SIL1: variants seen among roughly 807,000 people sequenced by gnomAD.
The protein encoded by SIL1 is SIL1 nucleotide exchange factor.
Under a neutral mutation model 49.1 loss-of-function variants are expected in SIL1, and 40 were observed. The ratio of observed to expected loss-of-function variants is 0.81; its 90% CI spans 0.63 to 1.06. The LOEUF is 1.06. Ranked by LOEUF, SIL1 falls within the 50% of genes least tolerant of loss-of-function variation. The pLI is 0.00. For missense variants in SIL1, 500 were observed against 572.6 expected, an observed-to-expected ratio of 0.87 and a Z score of 1.29; for synonymous variants, 253 against 250.8, an observed-to-expected ratio of 1.01 and a Z score of -0.08.
chr5:139,076,743 A>G (rs1769959504), intron 3 of SIL1, among the ~76,000 whole-genome samples: 1 of 152,290 alleles, frequency 6.6e-6, no homozygotes, highest in South Asian at 2.1e-4. Flanking sequence ...TAAGAAACCA[A>G]TTCCCCTTCT....
intron 7 of SIL1, among the ~76,000 whole-genome samples, chr5:139,020,728 A>G (rs1768502458): frequency 6.6e-6 from 1 of 152,166 alleles, no homozygotes; most frequent in South Asian, 2.1e-4. Flanking sequence ...GAGGGCGATA[A>G]TCTGACGGCA....
chr5:139,078,608 C>T (rs1770003926), intron 3 of SIL1, among the ~76,000 whole-genome samples: 1 of 152,214 alleles, frequency 6.6e-6, no homozygotes. Context: ...TCTGCTCGGC[C>T]TCACAACCTG....
intron 7 of SIL1, among the ~76,000 whole-genome samples, chr5:138,962,071 G>C (rs755720742): frequency 6.7e-5 from 10 of 150,104 alleles, no homozygotes; most frequent in African/African-American, 2.0e-4. Context: ...TGTCAGAAAA[G>C]AGAATTAAGA....
At chr5:139,197,032 G>A (rs564058983) in intron 1 of SIL1, among the ~76,000 whole-genome samples, 1 of 152,238 alleles carries the variant, frequency 6.6e-6, no homozygotes, top group East Asian at 1.9e-4. Flanking sequence ...ACTTTGGGAG[G>A]CCGAGGTAGA....
intron 5 of SIL1, among the ~76,000 whole-genome samples, chr5:139,039,778 A>C (rs1211181188): frequency 6.6e-6 from 1 of 152,246 alleles, no homozygotes; most frequent in African/African-American, 2.4e-5. Flanking sequence ...ATCTTAAAAA[A>C]CAATAATTTG....
At chr5:139,073,961 G>T (rs577307402) in intron 3 of SIL1, among the ~76,000 whole-genome samples, 1 of 152,008 alleles carries the variant, frequency 6.6e-6, no homozygotes, top group South Asian at 2.1e-4. Flanking sequence ...CCAAGAGAAA[G>T]AATGTAAAGT....
intron 7 of SIL1, among the ~76,000 whole-genome samples, chr5:139,007,467 A>C (rs368904165): frequency 9.1e-6 from 1 of 109,402 alleles, no homozygotes. Flanking sequence ...TTTCCTGCCT[A>C]ATTGCCCTGG....
intron 1 of SIL1, among the ~76,000 whole-genome samples, chr5:139,152,137 C>T (rs1581136303): frequency 3.9e-5 from 6 of 152,156 alleles, no homozygotes; most frequent in Admixed American, 6.5e-5. Flanking sequence ...TGCCTTGGGC[C>T]GTGCGTCTAA....
rs1214345253 is a variant in SIL1, at chr5:139,195,368, A to G, written c.-11+2901T>C. Among the ~76,000 whole-genome samples the G allele has an allele frequency of 2.0e-5, 3 of 152,104 alleles. No homozygotes were observed. In the East Asian group the frequency reaches 5.8e-4, roughly 29 times the overall value. On this transcript the variant is annotated intron_variant, in intron 1 of 9. Coordinates refer to ENST00000394817, the MANE Select transcript of SIL1 (RefSeq NM_022464.5). ...CATTTAACCACCCTTCAAAGTAAAT[A>G]TTATTCCCAGTTTTTTTTGTTTTGT...
At chr5:138,952,505 T>C (rs1461474711) in intron 7 of SIL1, among the ~76,000 whole-genome samples, 1 of 152,176 alleles carries the variant, frequency 6.6e-6, no homozygotes, top group Non-Finnish European at 1.5e-5. Context: ...TCCCACTCTA[T>C]AACAGCAGCT....
intron 1 of SIL1, among the ~76,000 whole-genome samples, chr5:139,129,753 T>C (rs1000888642): frequency 9.2e-5 from 14 of 152,228 alleles, no homozygotes; most frequent in African/African-American, 3.1e-4. Flanking sequence ...AAGACCTACA[T>C]TTAAGAGCTA....
At chr5:139,062,326 C>A (rs1769609545) in intron 3 of SIL1, among the ~76,000 whole-genome samples, 1 of 152,074 alleles carries the variant, frequency 6.6e-6, no homozygotes, top group Non-Finnish European at 1.5e-5. Flanking sequence ...TAAACAATGA[C>A]AAACTGAGAA....
rs778333950 is a variant in SIL1, at chr5:139,026,930, A to G, written c.516T>C (p.Asp172=). 2.5e-6 allele frequency: 4 copies of G among 1,614,132 alleles called. No homozygotes were observed. In the African/African-American group the frequency reaches 5.3e-5, roughly 22 times the overall value. ...RPIEELKKDF[D]ELNVVIETDM... ...CAGTCTCAATGACAACATTCAGCTC[A>G]TCAAAGTCTTTCTTCAGTTCCTCAA... Residue 172 remains aspartate, a synonymous_variant, in exon 6 of 10, where the codon GAT becomes GAC. Transcript: ENST00000394817.
intron 7 of SIL1, 95 bp from the exon 8 acceptor site, chr5:138,951,979 A>G: frequency 9.1e-7 from 1 of 1,099,970 alleles, no homozygotes; most frequent in South Asian, 1.2e-5. Flanking sequence ...CCTGGGGAGA[A>G]ACAAGAACAA....
chr5:139,047,868 C>A (rs1451534040), intron 4 of SIL1, among the ~76,000 whole-genome samples: 1 of 152,186 alleles, frequency 6.6e-6, no homozygotes, highest in Non-Finnish European at 1.5e-5. Context: ...ATGCTAGGGG[C>A]CATTTCAGGC....
chr5:139,105,929 T>A (rs995870988), intron 3 of SIL1, among the ~76,000 whole-genome samples: 1 of 152,220 alleles, frequency 6.6e-6, no homozygotes, highest in Non-Finnish European at 1.5e-5. Context: ...ATAAAGTTGC[T>A]CAGTCAAAAG....
chr5:139,146,876 T>C (rs1751205891), intron 1 of SIL1, among the ~76,000 whole-genome samples: 1 of 152,228 alleles, frequency 6.6e-6, no homozygotes, highest in Non-Finnish European at 1.5e-5. Context: ...TGTTGGATTT[T>C]ATTTGCCATA....
intron 3 of SIL1, among the ~76,000 whole-genome samples, chr5:139,081,119 C>T (rs1770064319): frequency 6.6e-6 from 1 of 152,196 alleles, no homozygotes; most frequent in South Asian, 2.1e-4. Flanking sequence ...CTACGACAGA[C>T]ATTCAAGGGA....
intron 3 of SIL1, among the ~76,000 whole-genome samples, chr5:139,087,480 G>A (rs1245623730): frequency 6.6e-6 from 1 of 152,088 alleles, no homozygotes; most frequent in Non-Finnish European, 1.5e-5. Context: ...GGAGTTTCCA[G>A]GCTGCAGTGA....
Sources: gnomAD v4.1 joint callset for allele counts (sites outside exome capture counted in the v4.1 genomes callset) on GRCh38, gnomAD v4.1.1 for gene constraint, MANE v1.5 for transcripts, NCBI Gene and HGNC (gene_info 2026-07-23, HGNC 2026-07-21) for gene names.